The following ADCY9 variants were observed in gnomAD, a reference collection of about 807,000 sequenced individuals.
ADCY9 encodes adenylate cyclase type 9.
ADCY9 carries 50 observed loss-of-function variants against 101.5 expected under a neutral mutation model. That is an observed-to-expected ratio of 0.49 (90% CI 0.39 to 0.62). The LOEUF is 0.62. Ranked by LOEUF, ADCY9 falls within the 20% of genes least tolerant of loss-of-function variation. The pLI is 0.00. For synonymous variants in ADCY9, 905 were observed against 769.3 expected (o/e 1.18, Z -2.92); for missense variants, 1,662 against 1,800.4 (o/e 0.92, Z 1.39).
intron 2 of ADCY9, among the ~76,000 whole-genome samples, chr16:4,090,208 C>T (rs899148027): frequency 2.6e-5 from 4 of 152,104 alleles, no homozygotes; most frequent in African/African-American, 7.2e-5. Flanking sequence ...TACTTCCAAG[C>T]CCAACTTAGC....
chr16:3,960,963 C>T (rs530213974), downstream of ADCY9, among the ~76,000 whole-genome samples: 10 of 152,162 alleles, frequency 6.6e-5, no homozygotes, highest in African/African-American at 1.2e-4. Context: ...TTTCCCAGTA[C>T]GCGGGATCTA....
At chr16:4,080,761 C>T (rs1035346488) in intron 2 of ADCY9, among the ~76,000 whole-genome samples, 2 of 131,280 alleles carry the variant, frequency 1.5e-5, no homozygotes, top group East Asian at 2.3e-4. Flanking sequence ...GCTCCAAAAA[C>T]ATTCCACATG....
At chr16:4,035,836 C>A (rs891577601) in intron 2 of ADCY9, among the ~76,000 whole-genome samples, 56 of 151,736 alleles carry the variant, frequency 3.7e-4, no homozygotes, top group Non-Finnish European at 2.2e-4. Context: ...CCCGTCTCTA[C>A]TAAAAATACA....
intron 7 of ADCY9, among the ~76,000 whole-genome samples, chr16:3,980,466 T>A (rs1035379401): frequency 2.0e-5 from 3 of 152,202 alleles, no homozygotes; most frequent in South Asian, 4.2e-4. Flanking sequence ...GCCAGGGAGC[T>A]GGGGATAGGC....
intron 2 of ADCY9, among the ~76,000 whole-genome samples, chr16:4,101,627 C>G (rs1486057909): frequency 1.3e-5 from 2 of 152,142 alleles, no homozygotes; most frequent in African/African-American, 4.8e-5. Flanking sequence ...GCGTCATGCC[C>G]CAAGAGGGCA....
rs34756033 is a variant in ADCY9 at position 4,026,425 on chromosome 16, CAAAAAAAAAAA to C, written c.1694-18878_1694-18868del. On this transcript the variant is annotated intron_variant, in intron 2 of 10. Transcript: ENST00000294016. ...AGCCAACAACAGCAAGACTCCGTCT[CAAAAAAAAAAA>C]AAAAAAAAAAGTTAATCCTGCAATG... is the stretch of plus-strand genomic sequence containing the variant. 5.8e-4 allele frequency among the ~76,000 whole-genome samples: 57 copies of C among 97,738 alleles called. 1 individual carries two copies. The highest frequency in any genetic ancestry group is 2.4e-3 in the African/African-American group (56 of 23,680). 64.1% of individuals were successfully genotyped at this position (97,738 alleles called of 152,430 possible). A position where few individuals can be genotyped will look rare whatever the true frequency, so the allele number is the denominator to read the frequency against.
At chr16:4,047,121 T>TA (rs887433630) in intron 2 of ADCY9, among the ~76,000 whole-genome samples, 9 of 152,174 alleles carry the variant, frequency 5.9e-5, no homozygotes, top group East Asian at 1.9e-4. Flanking sequence ...CTTCGTTTTT[T>TA]AAAAAAAATG....
intron 6 of ADCY9, among the ~76,000 whole-genome samples, chr16:3,987,004 ACCCTGC>A (rs1377028089): frequency 6.6e-6 from 1 of 151,926 alleles, no homozygotes; most frequent in Non-Finnish European, 1.5e-5. Flanking sequence ...CTCCTGCCCC[ACCCTGC>A]CCCGGATGCG....
chr16:3,965,015 G>A lies in ADCY9; in HGVS notation c.*760C>T, dbSNP rs945727438. The stretch of plus-strand genomic sequence containing the variant: ...GGGTGGAGGGTCGGGGGTGAGAGGC[G>A]GCTCTGAGACCCCCGAGGCCTGGGC... On this transcript the variant is annotated 3_prime_UTR_variant, in exon 11 of 11. Transcript: ENST00000294016. The A allele has an allele frequency of 2.6e-5, 4 of 152,258 alleles. No individual in the cohort carries two copies. Among genetic ancestry groups the A allele is most frequent in the Non-Finnish European group, 5.9e-5 (4 of 68,064 alleles). 9.4% of individuals were successfully genotyped at this position (152,258 alleles called of 1,614,324 possible).
At chr16:3,961,206 G>C (rs1272495048), downstream of ADCY9, among the ~76,000 whole-genome samples, 1 of 152,174 alleles carries the variant, frequency 6.6e-6, no homozygotes, top group African/African-American at 2.4e-5. Context: ...CCAGCACTTT[G>C]GGAGGCTGAG....
downstream of ADCY9, among the ~76,000 whole-genome samples, chr16:3,960,882 A>G (rs1040223567): frequency 6.6e-6 from 1 of 152,254 alleles, no homozygotes; most frequent in Non-Finnish European, 1.5e-5. Flanking sequence ...TTTTAAATGT[A>G]CATGTCCATT....
intron 2 of ADCY9, among the ~76,000 whole-genome samples, chr16:4,030,581 T>C (rs1188112146): frequency 1.3e-5 from 2 of 152,022 alleles, no homozygotes; most frequent in Non-Finnish European, 2.9e-5. Context: ...TGGGTGCCTG[T>C]AGTCCCAGCT....
chr16:3,956,887 C>T (rs1046777693), intron 5 of ADCY9, among the ~76,000 whole-genome samples: 8 of 151,970 alleles, frequency 5.3e-5, no homozygotes, highest in Non-Finnish European at 1.0e-4. Flanking sequence ...CTGTAGACAC[C>T]GAGTTGAGGA....
At chr16:4,016,190 T>C (rs2239311) in intron 2 of ADCY9, among the ~76,000 whole-genome samples, 15,249 of 152,186 alleles carry the variant, frequency 0.1, 952 homozygotes, top group East Asian at 0.27. Flanking sequence ...TCCAAGTGTC[T>C]ATGGGCTGTT....
intron 2 of ADCY9, among the ~76,000 whole-genome samples, chr16:4,045,225 G>C (rs1264757962): frequency 6.6e-6 from 1 of 152,080 alleles, no homozygotes; most frequent in Non-Finnish European, 1.5e-5. Flanking sequence ...AGGACAAAGA[G>C]ATGAAAATAA....
chr16:4,029,319 T>C (rs1489258219), intron 2 of ADCY9, among the ~76,000 whole-genome samples: 1 of 152,174 alleles, frequency 6.6e-6, no homozygotes, highest in Non-Finnish European at 1.5e-5. Context: ...CATATGCCAA[T>C]TGCCAATATT....
intron 2 of ADCY9, among the ~76,000 whole-genome samples, chr16:4,048,983 C>T (rs1315985162): frequency 1.3e-5 from 2 of 152,156 alleles, no homozygotes; most frequent in African/African-American, 2.4e-5. Flanking sequence ...GGACTCATAA[C>T]GACCAAGGGT....
Position 3,965,743 on chromosome 16 carries a change from CAG to C in ADCY9, c.*30_*31del, listed in dbSNP as rs370080801. 1.3e-5 allele frequency: 21 copies of C among 1,577,002 alleles called. 2 individuals are homozygous for C. The highest frequency in any genetic ancestry group is 3.4e-4 in the Middle Eastern group (2 of 5,894). ...ACAAATATTACTGTGTTTCGACAAA[CAG>C]AGCACCTCGGGCAGCGGGTGGGCGC... On this transcript the variant is annotated 3_prime_UTR_variant, in exon 11 of 11. Coordinates refer to ENST00000294016, the MANE Select transcript of ADCY9 (RefSeq NM_001116.4).
At chr16:3,997,827 C>T (rs2056299412) in intron 3 of ADCY9, among the ~76,000 whole-genome samples, 1 of 152,186 alleles carries the variant, frequency 6.6e-6, no homozygotes, top group Admixed American at 6.5e-5. Context: ...GGCGCAGTGG[C>T]TCATCCCTGT....
Sources: allele counts gnomAD v4.1 joint callset (sites outside exome capture counted in the v4.1 genomes callset), GRCh38; gene constraint gnomAD v4.1.1; transcripts MANE v1.5; gene names NCBI Gene and HGNC (gene_info 2026-07-23, HGNC 2026-07-21).